Variants in MYT1L observed in about 807,000 individuals in gnomAD.
The protein encoded by MYT1L is myelin transcription factor 1-like protein.
A neutral mutation model predicts 126.7 loss-of-function variants in MYT1L; 12 were observed. The ratio of observed to expected loss-of-function variants is 0.09; its 90% CI spans 0.06 to 0.15. The LOEUF is 0.15. MYT1L is among the 10% of genes least tolerant of loss of function. The pLI is 1.00. For missense variants in MYT1L, 979 were observed against 1,585.2 expected (o/e 0.62, Z 6.49); for synonymous variants, 541 against 604.2 (o/e 0.90, Z 1.53).
At chr2:2,005,354 T>C (rs113172726) in intron 4 of MYT1L, among the ~76,000 whole-genome samples, 2,301 of 143,324 alleles carry the variant, frequency 0.016, 47 homozygotes, top group African/African-American at 0.054. Context: ...CTTTCCTGCA[T>C]GCGTTCTTTC....
chr2:1,995,951 C>A (rs1011970256), intron 5 of MYT1L, among the ~76,000 whole-genome samples: 4 of 152,066 alleles, frequency 2.6e-5, no homozygotes, highest in African/African-American at 9.7e-5. Flanking sequence ...GTCAATCCAG[C>A]CATCAGAAAG....
intron 5 of MYT1L, among the ~76,000 whole-genome samples, chr2:1,989,071 C>T (rs1033151433): frequency 1.3e-5 from 2 of 151,900 alleles, no homozygotes; most frequent in Non-Finnish European, 2.9e-5. Context: ...GTACTTTGGC[C>T]CCAGAGTACA....
At chr2:2,207,465 C>G (rs117296214) in intron 2 of MYT1L, among the ~76,000 whole-genome samples, 1 of 152,240 alleles carries the variant, frequency 6.6e-6, no homozygotes, top group South Asian at 2.1e-4. Flanking sequence ...GTTGAGCTTA[C>G]GTAGTACAAT....
chr2:2,029,584 G>A (rs987852176), intron 4 of MYT1L, among the ~76,000 whole-genome samples: 9 of 152,176 alleles, frequency 5.9e-5, no homozygotes, highest in African/African-American at 1.4e-4. Context: ...TGAGACTTGG[G>A]TGGGGACACA....
chr2:1,829,041 C>T (rs923453402), intron 21 of MYT1L, among the ~76,000 whole-genome samples: 16 of 152,166 alleles, frequency 1.1e-4, no homozygotes, highest in Non-Finnish European at 1.5e-5. Context: ...GTCTCAACAG[C>T]TGCAGAGGAA....
chr2:2,138,006 A>C (rs2083314549), intron 3 of MYT1L, among the ~76,000 whole-genome samples: 1 of 152,204 alleles, frequency 6.6e-6, no homozygotes, highest in Non-Finnish European at 1.5e-5. Flanking sequence ...AAAAACAAAC[A>C]ACCCCATCAA....
intron 4 of MYT1L, among the ~76,000 whole-genome samples, chr2:2,019,440 A>T (rs2064802645): frequency 6.6e-6 from 1 of 152,214 alleles, no homozygotes; most frequent in African/African-American, 2.4e-5. Context: ...GTCTTTATTA[A>T]CAGCATGAGA....
At chr2:1,857,640 A>C (rs1180783970) in intron 18 of MYT1L, among the ~76,000 whole-genome samples, 2 of 152,190 alleles carry the variant, frequency 1.3e-5, no homozygotes, top group Non-Finnish European at 2.9e-5. Context: ...CCCCGAATTA[A>C]AACAAAATAA....
chr2:2,062,965 T>C (rs1002768442), intron 3 of MYT1L, among the ~76,000 whole-genome samples: 1 of 152,198 alleles, frequency 6.6e-6, no homozygotes, highest in Non-Finnish European at 1.5e-5. Flanking sequence ...CTCTCCATTT[T>C]CTCTGATCTC....
chr2:1,855,134 A>G (rs2043752414), intron 18 of MYT1L, among the ~76,000 whole-genome samples: 1 of 152,190 alleles, frequency 6.6e-6, no homozygotes, highest in African/African-American at 2.4e-5. Context: ...ATTTACATAC[A>G]AATTTCCTAG....
At chr2:1,937,594 TC>T (rs1328145463) in intron 9 of MYT1L, among the ~76,000 whole-genome samples, 29 of 141,546 alleles carry the variant, frequency 2.0e-4, no homozygotes, top group African/African-American at 8.0e-4. Context: ...AGATCGCAAG[TC>T]GAGAAGGCCC....
At chr2:1,914,175 T>C (rs570740291) in intron 11 of MYT1L, among the ~76,000 whole-genome samples, 5 of 151,844 alleles carry the variant, frequency 3.3e-5, no homozygotes, top group African/African-American at 1.2e-4. Context: ...CATCACTTGA[T>C]CCCACGGGGC....
At chr2:1,810,579 T>G (rs1281036171) in intron 21 of MYT1L, among the ~76,000 whole-genome samples, 1 of 152,214 alleles carries the variant, frequency 6.6e-6, no homozygotes, top group African/African-American at 2.4e-5. Flanking sequence ...CTAGAAACAC[T>G]CTTTACTAGT....
chr2:2,256,113 G>A (rs940632019), intron 2 of MYT1L, among the ~76,000 whole-genome samples: 3 of 152,172 alleles, frequency 2.0e-5, no homozygotes, highest in African/African-American at 4.8e-5. Context: ...CTCGCGTCGG[G>A]CCAAAACAAG....
chr2:2,070,352 T>C (rs1284061045), intron 3 of MYT1L, among the ~76,000 whole-genome samples: 1 of 152,170 alleles, frequency 6.6e-6, no homozygotes, highest in African/African-American at 2.4e-5. Context: ...ACACCACCTC[T>C]CACCCCACGT....
At chr2:2,268,940 C>G (rs530442249) in intron 2 of MYT1L, among the ~76,000 whole-genome samples, 1 of 152,290 alleles carries the variant, frequency 6.6e-6, no homozygotes, top group South Asian at 2.1e-4. Flanking sequence ...CTTTGATTAA[C>G]TCGTGTTTTA....
intron 2 of MYT1L, among the ~76,000 whole-genome samples, chr2:2,248,245 T>C (rs73179738): frequency 0.011 from 1,670 of 152,120 alleles, 30 homozygotes; most frequent in African/African-American, 0.037. Context: ...ATGGCTACTA[T>C]GAGCAACTAT....
chr2:1,903,680 C>A (rs2050639934), intron 13 of MYT1L, among the ~76,000 whole-genome samples: 1 of 151,994 alleles, frequency 6.6e-6, no homozygotes, highest in Non-Finnish European at 1.5e-5. Context: ...AAGATGTTGC[C>A]TCGATAAAAA....
intron 3 of MYT1L, among the ~76,000 whole-genome samples, chr2:2,099,112 A>G (rs1291170298): frequency 6.6e-6 from 1 of 152,166 alleles, no homozygotes; most frequent in East Asian, 1.9e-4. Flanking sequence ...GCTTCTTCCA[A>G]AGGTCTTAAA....
Sources: allele counts gnomAD v4.1 joint callset (sites outside exome capture counted in the v4.1 genomes callset), GRCh38; gene constraint gnomAD v4.1.1; transcripts MANE v1.5; gene names NCBI Gene and HGNC (gene_info 2026-07-23, HGNC 2026-07-21).